RGS7: variants seen among roughly 807,000 people sequenced by gnomAD.
RGS7 encodes the protein regulator of G-protein signaling 7.
Under a neutral mutation model 81.1 loss-of-function variants are expected in RGS7, and 27 were observed. That is an observed-to-expected ratio of 0.33 (90% CI 0.25 to 0.46). RGS7 has a LOEUF of 0.46. Among genes scored for constraint, RGS7 ranks in the 20% least tolerant of loss-of-function variants. RGS7 has a pLI of 1.00. For missense variants in RGS7, 396 were observed against 607.4 expected (o/e 0.65, Z 3.66); for synonymous variants, 208 against 207.7 (o/e 1.00, Z -0.01).
intron 3 of RGS7, among the ~76,000 whole-genome samples, chr1:241,047,698 T>C (rs1160190274): frequency 6.6e-6 from 1 of 151,516 alleles, no homozygotes; most frequent in Non-Finnish European, 1.5e-5. Context: ...CCATGCACTA[T>C]TCAAATCTTC....
chr1:240,851,184 G>A (rs1467856383), intron 9 of RGS7, among the ~76,000 whole-genome samples: 1 of 152,192 alleles, frequency 6.6e-6, no homozygotes, highest in African/African-American at 2.4e-5. Flanking sequence ...TGACTCTCTT[G>A]TTATCAGGTA....
At chr1:240,780,439 CAAAAAAAAAA>C (rs34568911) in intron 18 of RGS7, among the ~76,000 whole-genome samples, 3 of 40,210 alleles carry the variant, frequency 7.5e-5, no homozygotes, top group Non-Finnish European at 1.1e-4. Context: ...GACTCTGTCT[CAAAAAAAAAA>C]AAAAAAAAAA....
At chr1:241,070,549 A>G (rs1486075847) in intron 3 of RGS7, among the ~76,000 whole-genome samples, 1 of 152,298 alleles carries the variant, frequency 6.6e-6, no homozygotes, top group East Asian at 1.9e-4. Flanking sequence ...TGCATTCCAC[A>G]TGGTTGTGAA....
At chr1:241,316,459 C>A (rs2080884904) in intron 2 of RGS7, among the ~76,000 whole-genome samples, 1 of 152,176 alleles carries the variant, frequency 6.6e-6, no homozygotes, top group Non-Finnish European at 1.5e-5. Context: ...AGCCAGTAAT[C>A]AGTCAACTCA....
intron 2 of RGS7, among the ~76,000 whole-genome samples, chr1:241,292,183 T>C (rs1322342356): frequency 6.6e-6 from 1 of 152,190 alleles, no homozygotes; most frequent in Middle Eastern, 3.2e-3. Context: ...AGGACCTTCC[T>C]GACGCTGTTT....
intron 2 of RGS7, among the ~76,000 whole-genome samples, chr1:241,346,565 C>T (rs2082911309): frequency 6.6e-6 from 1 of 152,184 alleles, no homozygotes; most frequent in Non-Finnish European, 1.5e-5. Context: ...TTCGAGGACA[C>T]CTATTTTGTG....
chr1:241,132,801 C>G (rs910917304), intron 2 of RGS7, among the ~76,000 whole-genome samples: 1 of 152,132 alleles, frequency 6.6e-6, no homozygotes, highest in Admixed American at 6.6e-5. Context: ...CTAGCTCTGT[C>G]GCCCAGGCTG....
At chr1:240,857,105 C>T (rs758423213) in intron 9 of RGS7, among the ~76,000 whole-genome samples, 3 of 152,178 alleles carry the variant, frequency 2.0e-5, no homozygotes, top group Non-Finnish European at 2.9e-5. Flanking sequence ...GCTGATATCA[C>T]CACATGACGC....
chr1:240,986,993 T>C (rs1169862302), intron 3 of RGS7, among the ~76,000 whole-genome samples: 1 of 152,360 alleles, frequency 6.6e-6, no homozygotes, highest in African/African-American at 2.4e-5. Flanking sequence ...CTGTGCCCCC[T>C]GCAGAGTGCA....
At chr1:241,317,116 G>A (rs2080924939) in intron 2 of RGS7, among the ~76,000 whole-genome samples, 1 of 152,164 alleles carries the variant, frequency 6.6e-6, no homozygotes, top group Non-Finnish European at 1.5e-5. Flanking sequence ...TTTGGAAGCT[G>A]ATTTCAAGCT....
intron 2 of RGS7, among the ~76,000 whole-genome samples, chr1:241,269,313 G>A (rs780959020): frequency 1.2e-4 from 18 of 152,230 alleles, no homozygotes; most frequent in African/African-American, 3.1e-4. Flanking sequence ...GTGGGTAGAC[G>A]CCTCCTGGCG....
chr1:240,948,179 T>A (rs1678964491), intron 4 of RGS7, among the ~76,000 whole-genome samples: 1 of 152,186 alleles, frequency 6.6e-6, no homozygotes, highest in Non-Finnish European at 1.5e-5. Context: ...TATTTACCTA[T>A]TTTTTTATTG....
At chr1:241,022,200 A>G (rs1329125262) in intron 3 of RGS7, among the ~76,000 whole-genome samples, 3 of 152,226 alleles carry the variant, frequency 2.0e-5, no homozygotes, top group Admixed American at 2.0e-4. Context: ...TGCAAAAATT[A>G]TAACTGATAA....
At chr1:240,840,908 C>T (rs1293115980) in intron 9 of RGS7, among the ~76,000 whole-genome samples, 1 of 151,982 alleles carries the variant, frequency 6.6e-6, no homozygotes, top group Non-Finnish European at 1.5e-5. Flanking sequence ...ATTAAAAATA[C>T]AAAATGAGTT....
chr1:241,117,124 T>C (rs1368516514), intron 2 of RGS7, among the ~76,000 whole-genome samples: 1 of 152,170 alleles, frequency 6.6e-6, no homozygotes, highest in Non-Finnish European at 1.5e-5. Context: ...AAAATGCATG[T>C]CAGCTTTCTT....
chr1:241,140,141 C>T (rs1044292849), intron 2 of RGS7, among the ~76,000 whole-genome samples: 1 of 152,214 alleles, frequency 6.6e-6, no homozygotes, highest in African/African-American at 2.4e-5. Flanking sequence ...GATGGAGACA[C>T]AGGCAGGTAG....
intron 6 of RGS7, among the ~76,000 whole-genome samples, chr1:240,903,317 T>A (rs1670309510): frequency 6.6e-6 from 1 of 152,156 alleles, no homozygotes; most frequent in South Asian, 2.1e-4. Context: ...ACAGAGCACT[T>A]GAAATGTGAC....
At chr1:240,981,998 G>C (rs1684981396) in intron 4 of RGS7, among the ~76,000 whole-genome samples, 1 of 152,158 alleles carries the variant, frequency 6.6e-6, no homozygotes. Flanking sequence ...TGCAGTCACT[G>C]TAATGCCAGC....
At chr1:240,834,573 T>C (rs1324846277) in intron 9 of RGS7, among the ~76,000 whole-genome samples, 2 of 152,108 alleles carry the variant, frequency 1.3e-5, no homozygotes, top group Non-Finnish European at 2.9e-5. Flanking sequence ...TGCAGGGGCG[T>C]GACCTCGGCT....
Sources: gnomAD v4.1 joint callset for allele counts (sites outside exome capture counted in the v4.1 genomes callset) on GRCh38, gnomAD v4.1.1 for gene constraint, MANE v1.5 for transcripts, NCBI Gene and HGNC (gene_info 2026-07-23, HGNC 2026-07-21) for gene names.